Variants in SKA3 observed in about 807,000 individuals in gnomAD.
SKA3 encodes spindle and kinetochore-associated protein 3.
A neutral mutation model predicts 44.2 loss-of-function variants in SKA3; 39 were observed. That is an observed-to-expected ratio of 0.88 (90% CI 0.68 to 1.15). The LOEUF is 1.15. Among genes scored for constraint, SKA3 ranks in the 50% most tolerant of loss-of-function variants. The pLI is 0.00. For missense variants in SKA3, 511 were observed against 485.8 expected (o/e 1.05, Z -0.49); for synonymous variants, 192 against 172.0 (o/e 1.12, Z -0.91).
intron 3 of SKA3, among the ~76,000 whole-genome samples, chr13:21,168,791 G>A (rs958574395): frequency 6.6e-6 from 1 of 152,122 alleles, no homozygotes; most frequent in African/African-American, 2.4e-5. Context: ...GCCCCCCAAA[G>A]TGATGGGATT....
chr13:21,172,704 AAAG>A (rs755385181), intron 1 of SKA3, 23 bp from the exon 2 acceptor site: 2 of 1,383,070 alleles, frequency 1.4e-6, no homozygotes, highest in Non-Finnish European at 2.0e-6. Context: ...TATTGAAAGA[AAAG>A]AAGTCCAATA....
chr13:21,176,326 G>T (rs1307963246), intron 1 of SKA3, 49 bp downstream of exon 1: 6 of 1,313,492 alleles, frequency 4.6e-6, no homozygotes, highest in Middle Eastern at 2.7e-4. Context: ...ACGCCCCTCC[G>T]CCCGCGGCGC....
At chr13:21,171,170 C>T (rs554539130) in intron 3 of SKA3, among the ~76,000 whole-genome samples, 1 of 152,308 alleles carries the variant, frequency 6.6e-6, no homozygotes, top group East Asian at 1.9e-4. Flanking sequence ...CTGCCTCAAT[C>T]TCCCACACTG....
chr13:21,155,295 G>A (rs1302426937), intron 8 of SKA3, 145 bp from the exon 9 acceptor site: 1 of 630,580 alleles, frequency 1.6e-6, no homozygotes, highest in African/African-American at 1.9e-5. Context: ...GGATAATTCG[G>A]GAATCTGAGA....
intron 7 of SKA3, among the ~76,000 whole-genome samples, chr13:21,156,124 T>G (rs1280316905): frequency 1.3e-5 from 2 of 149,470 alleles, no homozygotes; most frequent in African/African-American, 5.0e-5. Flanking sequence ...GAGGCGGAGG[T>G]TGCAGTGAGC....
At position 21,161,783 on chromosome 13, in the gene SKA3, T is replaced by C; in HGVS notation, c.829+7A>G. ...TTCCTGAGAAGTAACTTGATTCTTA[T>C]ACTTACCACTTTTTTCCAACTGCTG... On this transcript the variant is annotated splice_region_variant and intron_variant, in intron 5 of 8. Coordinates refer to ENST00000314759, the MANE Select transcript of SKA3 (RefSeq NM_145061.6). 1 of 1,607,254 alleles carries C rather than the reference T, an allele frequency of 6.2e-7. No individual in the cohort carries two copies. The highest frequency in any genetic ancestry group is 8.5e-7 in the Non-Finnish European group (1 of 1,175,080).
chr13:21,171,325 C>T (rs1871033660), intron 3 of SKA3, among the ~76,000 whole-genome samples: 1 of 152,054 alleles, frequency 6.6e-6, no homozygotes, highest in African/African-American at 2.4e-5. Context: ...GCCTGTAGTC[C>T]CAGCACTTTG....
At chr13:21,170,921 A>G (rs537406409) in intron 3 of SKA3, among the ~76,000 whole-genome samples, 1 of 151,592 alleles carries the variant, frequency 6.6e-6, no homozygotes, top group African/African-American at 2.4e-5. Flanking sequence ...GTATGTATGT[A>G]TGTATGTATG....
At chr13:21,157,797 T>A in intron 7 of SKA3, 125 bp downstream of exon 7, 2 of 639,980 alleles carry the variant, frequency 3.1e-6, no homozygotes, top group Non-Finnish European at 5.1e-6. Flanking sequence ...GATTCTCTCA[T>A]CACCAAAATT....
intron 7 of SKA3, among the ~76,000 whole-genome samples, chr13:21,157,525 T>C (rs61950334): frequency 0.12 from 17,684 of 152,270 alleles, 1,088 homozygotes; most frequent in Middle Eastern, 0.22. Context: ...CTGTGGCATA[T>C]GCAGTCCATC....
intron 3 of SKA3, among the ~76,000 whole-genome samples, chr13:21,170,918 T>TGTATGTAC (rs1314574169): frequency 1.3e-5 from 2 of 151,318 alleles, no homozygotes; most frequent in African/African-American, 2.4e-5. Context: ...TTTGTATGTA[T>TGTATGTAC]GTATGTATGT....
chr13:21,153,914 TTAACA>T lies in SKA3; in HGVS notation c.*1231_*1235del, dbSNP rs1385025657. The T allele has an allele frequency of 7.2e-5, 11 of 152,230 alleles. No individual in the cohort carries two copies. The highest frequency in any genetic ancestry group is 2.7e-4 in the African/African-American group (11 of 41,442). 9.4% of individuals were successfully genotyped at this position (152,230 alleles called of 1,614,324 possible). On this transcript the variant is annotated 3_prime_UTR_variant, in exon 9 of 9. Transcript: ENST00000314759. ...ACTTTGAAAAACAAAACTAAGTATC[TTAACA>T]TTTTATTTTACATTATATTTAATAA...
In SKA3 at chr13:21,167,995, T is replaced by A. The variant is rs777417180; in HGVS notation, c.736A>T (p.Asn246Tyr). 1 of 1,576,098 alleles carries A rather than the reference T, an allele frequency of 6.3e-7. No homozygotes were observed. The highest frequency in any genetic ancestry group is 1.2e-5 in the South Asian group (1 of 84,988). The change falls in exon 4 of 9, where the codon AAT (asparagine) becomes TAT (tyrosine). Residue 246 changes from asparagine to tyrosine, a missense_variant. By Grantham distance (143) the Asn-to-Tyr change is moderately radical. Coordinates refer to ENST00000314759, the MANE Select transcript of SKA3 (RefSeq NM_145061.6). Reference protein sequence around the residue: ...YTMGLKNARNNKSEEAIDTES... With the variant: ...YTMGLKNARNYKSEEAIDTES... ...TTTAACAGAGCTGCTTACCTTTTAT[T>A]ATTCCTCGCATTTTTAAGTCCCATT...
At chr13:21,170,923 G>A (rs1240304526) in intron 3 of SKA3, among the ~76,000 whole-genome samples, 4 of 152,048 alleles carry the variant, frequency 2.6e-5, no homozygotes, top group African/African-American at 7.2e-5. Flanking sequence ...ATGTATGTAT[G>A]TATGTATGTA....
At chr13:21,157,662 TG>T (rs1198616092) in intron 7 of SKA3, among the ~76,000 whole-genome samples, 3 of 152,184 alleles carry the variant, frequency 2.0e-5, no homozygotes, top group Non-Finnish European at 4.4e-5. Flanking sequence ...ACCCTGGCTC[TG>T]GGAAATTGTA....
intron 1 of SKA3, 145 bp from the exon 2 acceptor site, chr13:21,172,826 T>C (rs755441216): frequency 2.9e-6 from 1 of 346,530 alleles, no homozygotes; most frequent in Non-Finnish European, 5.3e-6. Context: ...GATAATACCA[T>C]ATTTTTTACC....
chr13:21,175,101 G>A (rs1345605752), intron 1 of SKA3, among the ~76,000 whole-genome samples: 2 of 151,078 alleles, frequency 1.3e-5, no homozygotes, highest in Admixed American at 6.6e-5. Context: ...CTCAGCCTCC[G>A]AGTAGCTGGG....
intron 1 of SKA3, among the ~76,000 whole-genome samples, chr13:21,175,162 G>A (rs573853441): frequency 2.0e-5 from 3 of 151,822 alleles, no homozygotes; most frequent in African/African-American, 7.3e-5. Context: ...ATTTTTAGTA[G>A]AGACGAGGTT....
intron 6 of SKA3, among the ~76,000 whole-genome samples, 187 bp downstream of exon 6, chr13:21,159,715 G>A (rs913915972): frequency 1.3e-5 from 2 of 152,078 alleles, no homozygotes; most frequent in African/African-American, 4.8e-5. Flanking sequence ...TGGTTTAAAG[G>A]TATGAAAAAT....
Sources: gnomAD v4.1 joint callset for allele counts (sites outside exome capture counted in the v4.1 genomes callset) on GRCh38, gnomAD v4.1.1 for gene constraint, MANE v1.5 for transcripts, NCBI Gene and HGNC (gene_info 2026-07-23, HGNC 2026-07-21) for gene names.